The following NFIA variants were observed in gnomAD, a reference collection of about 807,000 sequenced individuals.
NFIA encodes the protein nuclear factor I A.
A neutral mutation model predicts 62.8 loss-of-function variants in NFIA; 8 were observed. That is an observed-to-expected ratio of 0.13 (90% CI 0.07 to 0.23). The LOEUF is 0.23. Among genes scored for constraint, NFIA ranks in the 10% least tolerant of loss-of-function variants. The pLI is 1.00. For synonymous variants in NFIA, 235 were observed against 238.1 expected (o/e 0.99, Z 0.12); for missense variants, 410 against 642.1 (o/e 0.64, Z 3.91).
chr1:61,129,149 C>T (rs1195501545), intron 2 of NFIA, among the ~76,000 whole-genome samples: 1 of 151,948 alleles, frequency 6.6e-6, no homozygotes, highest in Admixed American at 6.6e-5. Flanking sequence ...GTCTTGATCT[C>T]CTGACCTCGT....
intron 6 of NFIA, among the ~76,000 whole-genome samples, chr1:61,380,403 A>G (rs772738673): frequency 6.6e-6 from 1 of 152,210 alleles, no homozygotes; most frequent in Non-Finnish European, 1.5e-5. Flanking sequence ...CCAATCAGTC[A>G]TTAATCCATA....
rs146410370 is a variant in NFIA at position 61,321,270 on chromosome 1, T to C, written c.626-11242T>C. 5.3e-3 allele frequency among the ~76,000 whole-genome samples: 804 copies of C among 152,142 alleles called. 10 individuals carry two copies. Among genetic ancestry groups the C allele is most frequent in the African/African-American group, 0.019 (772 of 41,424 alleles). ...TAAAATAATCCCTAAAGATTATTTT[T>C]GTTTCTCTGTTCTTGTACAAGTCTA... On this transcript the variant is annotated intron_variant, in intron 3 of 10. Transcript: ENST00000403491.
In NFIA at chr1:61,226,027, A is replaced by G. The variant is rs12039584; in HGVS notation, c.560-51493A>G. ...ATTCACTAATGTATCAGTTGTGAAT[A>G]CTTTTTAGATATCCAGTAAACTAAA... On this transcript the variant is annotated intron_variant, in intron 2 of 10. Coordinates refer to ENST00000403491, the MANE Select transcript of NFIA (RefSeq NM_001134673.4). Among the ~76,000 whole-genome samples the G allele has an allele frequency of 1.6e-4, 25 of 152,362 alleles. No individual in the cohort carries two copies. The East Asian group carries it at 4.6e-3, about 28-fold the overall frequency.
chr1:61,143,137 A>G (rs1293989702), intron 2 of NFIA, among the ~76,000 whole-genome samples: 1 of 152,028 alleles, frequency 6.6e-6, no homozygotes, highest in Non-Finnish European at 1.5e-5. Flanking sequence ...GGGTGGCAAG[A>G]AATTTAGGAT....
intron 2 of NFIA, among the ~76,000 whole-genome samples, chr1:61,215,439 A>G (rs1653553387): frequency 1.3e-5 from 2 of 152,022 alleles, no homozygotes; most frequent in African/African-American, 4.8e-5. Context: ...ATTAGGAGAT[A>G]TTATTAGATA....
intron 3 of NFIA, among the ~76,000 whole-genome samples, chr1:61,320,558 G>A (rs1660627832): frequency 6.6e-6 from 1 of 152,094 alleles, no homozygotes; most frequent in Admixed American, 6.6e-5. Context: ...TAATTGTAAG[G>A]ATTTTTAAAA....
At chr1:61,217,129 T>C (rs1653682341) in intron 2 of NFIA, among the ~76,000 whole-genome samples, 5 of 150,084 alleles carry the variant, frequency 3.3e-5, no homozygotes, top group Admixed American at 2.0e-4. Context: ...CAGTCTTGGC[T>C]CACTGCAACC....
chr1:61,460,033 A>G lies in NFIA; in HGVS notation c.*4713A>G, dbSNP rs765826077. 7.9e-5 allele frequency: 12 copies of G among 152,126 alleles called. No individual in the cohort carries two copies. Among genetic ancestry groups the G allele is most frequent in the Non-Finnish European group, 1.3e-4 (9 of 68,052 alleles). 9.4% of individuals were successfully genotyped at this position (152,126 alleles called of 1,614,324 possible). On this transcript the variant is annotated 3_prime_UTR_variant, in exon 11 of 11. Coordinates refer to ENST00000403491, the MANE Select transcript of NFIA (RefSeq NM_001134673.4). Reference sequence around the variant, plus strand: ...AACAAATCTAAAACACAACCACCATAGTAATGTAAGGAGAGCTTCAGTGGC... The same window carrying G: ...AACAAATCTAAAACACAACCACCATGGTAATGTAAGGAGAGCTTCAGTGGC...
intron 2 of NFIA, among the ~76,000 whole-genome samples, chr1:61,237,417 CAGA>C (rs1169915758): frequency 2.0e-5 from 3 of 152,098 alleles, no homozygotes; most frequent in South Asian, 2.1e-4. Flanking sequence ...ACATTAGCAA[CAGA>C]AGAATTAGTT....
chr1:61,184,351 C>T (rs1186977924), intron 2 of NFIA, among the ~76,000 whole-genome samples: 1 of 152,332 alleles, frequency 6.6e-6, no homozygotes, highest in African/African-American at 2.4e-5. Flanking sequence ...CACGAGGGCA[C>T]GCACAGCCAT....
chr1:61,080,397 G>T (rs1025622092), upstream of NFIA, among the ~76,000 whole-genome samples: 2 of 152,170 alleles, frequency 1.3e-5, no homozygotes, highest in Middle Eastern at 6.8e-3. Flanking sequence ...GATGTGAAGT[G>T]TATCTTTTAA....
chr1:61,373,834 A>G (rs1664023486), intron 6 of NFIA, among the ~76,000 whole-genome samples: 1 of 152,100 alleles, frequency 6.6e-6, no homozygotes, highest in Non-Finnish European at 1.5e-5. Context: ...GCTGAACAAT[A>G]CAAAATAAGG....
At chr1:61,164,108 A>G (rs940331022) in intron 2 of NFIA, among the ~76,000 whole-genome samples, 1 of 152,130 alleles carries the variant, frequency 6.6e-6, no homozygotes, top group African/African-American at 2.4e-5. Flanking sequence ...TTTTTTTCTT[A>G]CATAGCAGTG....
chr1:61,114,054 C>A (rs144768418), intron 2 of NFIA, among the ~76,000 whole-genome samples: 1 of 151,958 alleles, frequency 6.6e-6, no homozygotes, highest in African/African-American at 2.4e-5. Context: ...TGTCTCGGCA[C>A]AAAATTATAA....
chr1:61,314,342 T>C (rs1377418564), intron 3 of NFIA, among the ~76,000 whole-genome samples: 1 of 152,210 alleles, frequency 6.6e-6, no homozygotes, highest in Non-Finnish European at 1.5e-5. Flanking sequence ...TACACTCTAA[T>C]GCCTACCATA....
chr1:61,167,946 A>C (rs754667288), intron 2 of NFIA, among the ~76,000 whole-genome samples: 7 of 152,114 alleles, frequency 4.6e-5, no homozygotes, highest in Non-Finnish European at 1.0e-4. Flanking sequence ...ATAGATTTTG[A>C]TGTACACTTA....
rs539195121 is a variant in NFIA at position 61,175,170 on chromosome 1, C to T, written c.559+86490C>T. Among the ~76,000 whole-genome samples, 7 of 151,898 alleles carry T rather than the reference C, an allele frequency of 4.6e-5. No homozygotes were observed. The South Asian group carries it at 1.5e-3, about 32-fold the overall frequency. On this transcript the variant is annotated intron_variant, in intron 2 of 10. Transcript: ENST00000403491. ...TTATTATTATTTTTTGAGACAGGAT[C>T]TCACTCTCTTGCCCAGGCTGGAGTA...
intron 5 of NFIA, among the ~76,000 whole-genome samples, chr1:61,357,619 G>A (rs6697955): frequency 0.82 from 124,304 of 151,630 alleles, 51,043 homozygotes; most frequent in East Asian, 0.95. Context: ...TCCATTGTGT[G>A]ACCCACTGTA....
At chr1:61,119,918 G>T (rs368224987) in intron 2 of NFIA, among the ~76,000 whole-genome samples, 4 of 152,124 alleles carry the variant, frequency 2.6e-5, no homozygotes, top group East Asian at 1.9e-4. Context: ...CTTTGATATT[G>T]TTTGAAAAAT....
Sources: gnomAD v4.1 joint callset for allele counts (sites outside exome capture counted in the v4.1 genomes callset) on GRCh38, gnomAD v4.1.1 for gene constraint, MANE v1.5 for transcripts, NCBI Gene and HGNC (gene_info 2026-07-23, HGNC 2026-07-21) for gene names.